The following SLC25A40 variants were observed in gnomAD, a reference collection of about 807,000 sequenced individuals.
The protein encoded by SLC25A40 is solute carrier family 25 member 40.
SLC25A40 carries 41 observed loss-of-function variants against 46.5 expected under a neutral mutation model. The ratio of observed to expected loss-of-function variants is 0.88; its 90% CI spans 0.69 to 1.14. SLC25A40 has a LOEUF of 1.14. SLC25A40 is among the 50% of genes most tolerant of loss of function. SLC25A40 has a pLI of 0.00. For synonymous variants in SLC25A40, 126 were observed against 127.5 expected (o/e 0.99, Z 0.08); for missense variants, 386 against 393.6 (o/e 0.98, Z 0.16).
At chr7:87,844,324 A>G (rs1275734632) in intron 8 of SLC25A40, among the ~76,000 whole-genome samples, 1 of 152,196 alleles carries the variant, frequency 6.6e-6, no homozygotes, top group Non-Finnish European at 1.5e-5. Flanking sequence ...CCATGGGATC[A>G]TGTAATGATA....
At chr7:87,856,063 A>G (rs1043483425) in intron 4 of SLC25A40, among the ~76,000 whole-genome samples, 15 of 152,176 alleles carry the variant, frequency 9.9e-5, no homozygotes, top group Non-Finnish European at 1.5e-5. Context: ...AAATACAAAT[A>G]CATAACCATC....
Position 87,835,988 on chromosome 7 carries a change from G to A in SLC25A40, c.*261C>T. Reference sequence around the variant, plus strand: ...TATAATATTAAACTTTCAAGAGACTGCTTTTGATGCTAAGGAGTAATCTAT... The same window carrying A: ...TATAATATTAAACTTTCAAGAGACTACTTTTGATGCTAAGGAGTAATCTAT... On this transcript the variant is annotated 3_prime_UTR_variant, in exon 12 of 12. Transcript: ENST00000341119. 1 of 311,020 alleles carries A rather than the reference G, an allele frequency of 3.2e-6. No homozygotes were observed. The highest frequency in any genetic ancestry group is 5.8e-6 in the Non-Finnish European group (1 of 171,686). 19.3% of individuals were successfully genotyped at this position (311,020 alleles called of 1,614,324 possible).
At position 87,874,915 on chromosome 7, in the gene SLC25A40, G is replaced by A. The variant is rs531706912; in HGVS notation, c.-94+1181C>T. Among the ~76,000 whole-genome samples, 37 of 152,068 alleles carry A rather than the reference G, an allele frequency of 2.4e-4. No individual in the cohort carries two copies. The South Asian group carries it at 7.3e-3, about 30-fold the overall frequency. ...TTCTCTTATTTCACATGCTCTCCTTGGCAATTTCATTTCCTCCCAAAGCTT... is the reference window on the plus strand; with the variant it reads ...TTCTCTTATTTCACATGCTCTCCTTAGCAATTTCATTTCCTCCCAAAGCTT... On this transcript the variant is annotated intron_variant, in intron 1 of 11. Transcript: ENST00000341119.
Position 87,836,298 on chromosome 7 carries a change from A to G in SLC25A40, c.968T>C (p.Phe323Ser). The change falls in exon 12 of 12, where the codon TTT becomes TCT. Residue 323 changes from phenylalanine to serine, a missense_variant. Coordinates refer to ENST00000341119, the MANE Select transcript of SLC25A40 (RefSeq NM_018843.4). ...ACAIMISTYE[F>S]GKAFFQKQNV... Reference sequence around the variant, plus strand: ...TTGTTTCTGGAAAAAAGCCTTTCCAAATTCATATGTACTGATCATAATGGC... The same window carrying G: ...TTGTTTCTGGAAAAAAGCCTTTCCAGATTCATATGTACTGATCATAATGGC... 6.3e-7 allele frequency: 1 copy of G among 1,586,682 alleles called. No individual in the cohort carries two copies. The highest frequency in any genetic ancestry group is 1.2e-5 in the South Asian group (1 of 86,080).
intron 1 of SLC25A40, among the ~76,000 whole-genome samples, chr7:87,873,415 C>T (rs1584342585): frequency 6.7e-6 from 1 of 149,772 alleles, no homozygotes; most frequent in Admixed American, 6.7e-5. Context: ...TAAATTCTAG[C>T]ATAGAAAGGT....
intron 8 of SLC25A40, among the ~76,000 whole-genome samples, chr7:87,844,753 T>A (rs73706937): frequency 0.014 from 2,093 of 151,748 alleles, 50 homozygotes; most frequent in African/African-American, 0.048. Context: ...GATTTAATTT[T>A]AAAAAATTAA....
intron 10 of SLC25A40, among the ~76,000 whole-genome samples, chr7:87,838,069 A>C (rs1324565158): frequency 6.6e-6 from 1 of 151,520 alleles, no homozygotes; most frequent in Non-Finnish European, 1.5e-5. Context: ...ACTATGAATA[A>C]ATGAAGACTA....
At chr7:87,849,063 C>T (rs1229263269) in intron 6 of SLC25A40, among the ~76,000 whole-genome samples, 1 of 152,080 alleles carries the variant, frequency 6.6e-6, no homozygotes, top group Non-Finnish European at 1.5e-5. Context: ...TTCATGTAAT[C>T]GCCAGGCAGT....
At chr7:87,840,946 A>G (rs1838322516) in intron 10 of SLC25A40, among the ~76,000 whole-genome samples, 1 of 151,820 alleles carries the variant, frequency 6.6e-6, no homozygotes, top group Non-Finnish European at 1.5e-5. Context: ...CAAGACTTAC[A>G]TAATTTTGTA....
chr7:87,866,064 T>C (rs779684606), intron 1 of SLC25A40, among the ~76,000 whole-genome samples: 10 of 150,828 alleles, frequency 6.6e-5, no homozygotes, highest in African/African-American at 1.7e-4. Flanking sequence ...GCCGAGGCAA[T>C]AGAACAAAAC....
At chr7:87,860,986 C>T (rs528979109) in intron 1 of SLC25A40, among the ~76,000 whole-genome samples, 4 of 152,234 alleles carry the variant, frequency 2.6e-5, no homozygotes, top group African/African-American at 9.6e-5. Flanking sequence ...TCATCTATGA[C>T]GGTTGTTTTT....
chr7:87,863,231 C>T (rs1045741503), intron 1 of SLC25A40, among the ~76,000 whole-genome samples: 2 of 152,102 alleles, frequency 1.3e-5, no homozygotes, highest in South Asian at 4.1e-4. Context: ...TCTCCCCACC[C>T]AAATCACATC....
chr7:87,855,562 G>T (rs1184835451), intron 4 of SLC25A40, among the ~76,000 whole-genome samples: 1 of 152,170 alleles, frequency 6.6e-6, no homozygotes, highest in East Asian at 1.9e-4. Context: ...TAATACTTAG[G>T]TCTGAGTGTT....
Position 87,852,909 on chromosome 7 carries a change from A to T in SLC25A40, c.264+1295T>A, listed in dbSNP as rs140588256. Among the ~76,000 whole-genome samples the T allele has an allele frequency of 4.7e-3, 714 of 152,356 alleles. 4 individuals carry two copies. The highest frequency in any genetic ancestry group is 0.016 in the African/African-American group (684 of 41,582). ...GACTTAAATAAAATTTTTATGAAAA[A>T]GTCTTCAGAGTGTAACAGTAGATAA... is the stretch of plus-strand genomic sequence containing the variant. On this transcript the variant is annotated intron_variant, in intron 5 of 11. Coordinates refer to ENST00000341119, the MANE Select transcript of SLC25A40 (RefSeq NM_018843.4).
intron 2 of SLC25A40, chr7:87,860,268 T>C (rs1838677424): frequency 1.3e-5 from 2 of 152,146 alleles, no homozygotes; most frequent in Admixed American, 1.3e-4. Flanking sequence ...CTTGGATCAA[T>C]CTATACTTCT....
intron 5 of SLC25A40, among the ~76,000 whole-genome samples, chr7:87,852,493 G>A (rs747976479): frequency 5.3e-5 from 8 of 151,938 alleles, no homozygotes; most frequent in East Asian, 1.9e-4. Flanking sequence ...CTCTTGAGGC[G>A]TACAGATTGA....
chr7:87,850,845 T>C (rs61216993), intron 5 of SLC25A40, among the ~76,000 whole-genome samples: 4,491 of 151,934 alleles, frequency 0.03, 64 homozygotes, highest in Middle Eastern at 0.049. Context: ...AAAGCAAAAC[T>C]ACAAATGAGA....
At chr7:87,841,958 T>C (rs1838342437) in intron 9 of SLC25A40, 1 of 368,270 alleles carries the variant, frequency 2.7e-6, no homozygotes, top group Non-Finnish European at 5.2e-6. Context: ...AGCTACTAGT[T>C]GCAGAGCCAC....
At chr7:87,874,418 C>T (rs561601700) in intron 1 of SLC25A40, among the ~76,000 whole-genome samples, 3 of 152,294 alleles carry the variant, frequency 2.0e-5, no homozygotes, top group African/African-American at 7.2e-5. Context: ...ATTATACTTT[C>T]CTACAATAAC....
Sources: gnomAD v4.1 joint callset for allele counts (sites outside exome capture counted in the v4.1 genomes callset) on GRCh38, gnomAD v4.1.1 for gene constraint, MANE v1.5 for transcripts, NCBI Gene and HGNC (gene_info 2026-07-23, HGNC 2026-07-21) for gene names.